Variants in KIAA1671 observed in about 807,000 individuals in gnomAD.
KIAA1671 encodes KIAA1671, also known as uncharacterized protein KIAA1671.
In KIAA1671, 52 loss-of-function variants were observed where a neutral mutation model predicts 131.2. The observed-to-expected ratio is 0.40, with a 90% CI of 0.32 to 0.50. KIAA1671 has a LOEUF of 0.50. Ranked by LOEUF, KIAA1671 falls within the 20% of genes least tolerant of loss-of-function variation. The pLI is 0.73. For synonymous variants in KIAA1671, 1,003 were observed against 961.6 expected (o/e 1.04, Z -0.80); for missense variants, 2,360 against 2,364.2 (o/e 1.00, Z 0.04).
intron 1 of KIAA1671, among the ~76,000 whole-genome samples, chr22:24,992,097 A>T (rs539986276): frequency 6.6e-6 from 1 of 152,308 alleles, no homozygotes. Context: ...CCCTTGGCAT[A>T]ACTGGCTGCG....
At chr22:25,121,731 A>G (rs142385429) in intron 6 of KIAA1671, among the ~76,000 whole-genome samples, 77 of 152,364 alleles carry the variant, frequency 5.1e-4, no homozygotes, top group African/African-American at 1.8e-3. Context: ...CCACACAGAT[A>G]TAATAGACAT....
rs1183499707 is a variant in KIAA1671, at chr22:25,049,457, C to T, written c.4530+93C>T. 12 of 1,417,794 alleles carry T rather than the reference C, an allele frequency of 8.5e-6. No individual in the cohort carries two copies. The African/African-American group carries it at 1.4e-4, about 17-fold the overall frequency. 87.8% of individuals were successfully genotyped at this position (1,417,794 alleles called of 1,614,324 possible). A position where few individuals can be genotyped will look rare whatever the true frequency, so the allele number is the denominator to read the frequency against. On this transcript the variant is annotated intron_variant, in intron 6 of 12. Coordinates refer to ENST00000358431, the MANE Select transcript of KIAA1671 (RefSeq NM_001145206.2). ...TGGTTGGTGGAGCATCTGGACAGCCCAGGGCCCTGACGGGGTTGAGGGCAG... is the reference window on the plus strand; with the variant it reads ...TGGTTGGTGGAGCATCTGGACAGCCTAGGGCCCTGACGGGGTTGAGGGCAG...
At position 25,122,741 on chromosome 22, in the gene KIAA1671, G is replaced by A. The variant is rs921173665; in HGVS notation, c.4531-48079G>A. Among the ~76,000 whole-genome samples, 3 of 152,144 alleles carry A rather than the reference G, an allele frequency of 2.0e-5. 1 individual carries two copies. The highest frequency in any genetic ancestry group is 4.4e-5 in the Non-Finnish European group (3 of 68,030). ...CATAATCCCAGCACTTTGGGAGGCC[G>A]AGGCGGGCCGATCACGAGGTCAGGA... On this transcript the variant is annotated intron_variant, in intron 6 of 12. Transcript: ENST00000358431.
chr22:25,154,764 C>A (rs1933172081), intron 6 of KIAA1671, among the ~76,000 whole-genome samples: 1 of 152,208 alleles, frequency 6.6e-6, no homozygotes, highest in Admixed American at 6.5e-5. Context: ...CTGCGAGGTC[C>A]CCAACTCCAG....
intron 11 of KIAA1671, among the ~76,000 whole-genome samples, chr22:25,186,602 TA>T (rs1038254986): frequency 6.6e-6 from 1 of 151,606 alleles, no homozygotes; most frequent in Admixed American, 6.6e-5. Flanking sequence ...CCTCTCTAAT[TA>T]AAAAAAAGAA....
chr22:25,078,084 G>T (rs1929210877), intron 6 of KIAA1671, among the ~76,000 whole-genome samples: 1 of 152,214 alleles, frequency 6.6e-6, no homozygotes, highest in African/African-American at 2.4e-5. Context: ...CTGGCCAGGG[G>T]CAGAGCTGGG....
chr22:25,002,914 G>A (rs1924551775), intron 1 of KIAA1671, among the ~76,000 whole-genome samples: 1 of 151,972 alleles, frequency 6.6e-6, no homozygotes, highest in African/African-American at 2.4e-5. Flanking sequence ...CAAGTAGTTG[G>A]GACTACAGGC....
chr22:24,989,705 C>G (rs1923738174), intron 1 of KIAA1671, among the ~76,000 whole-genome samples: 1 of 152,112 alleles, frequency 6.6e-6, no homozygotes, highest in African/African-American at 2.4e-5. Flanking sequence ...GGGATGAGTT[C>G]CCAAAGCTTA....
intron 6 of KIAA1671, among the ~76,000 whole-genome samples, chr22:25,154,068 C>T (rs1933141139): frequency 6.6e-6 from 1 of 152,212 alleles, no homozygotes; most frequent in Admixed American, 6.5e-5. Context: ...GGTGTGACTT[C>T]TCAGTCAGCC....
intron 5 of KIAA1671, among the ~76,000 whole-genome samples, chr22:25,046,650 TA>T (rs1409724700): frequency 1.3e-5 from 2 of 152,208 alleles, no homozygotes; most frequent in African/African-American, 4.8e-5. Flanking sequence ...TCCTTTTTTT[TA>T]AATTCCTTTT....
intron 1 of KIAA1671, among the ~76,000 whole-genome samples, chr22:24,985,344 CT>C (rs370160170): frequency 5.5e-4 from 80 of 145,380 alleles, no homozygotes; most frequent in South Asian, 8.8e-4. Context: ...TTGTTTCTTT[CT>C]TTTTTTTTTT....
intron 5 of KIAA1671, among the ~76,000 whole-genome samples, chr22:25,042,957 C>T (rs1927030666): frequency 6.6e-6 from 1 of 152,098 alleles, no homozygotes; most frequent in South Asian, 2.1e-4. Flanking sequence ...ATGTATTTTC[C>T]AATCCCTCTG....
chr22:25,169,286 G>A (rs1300983944), intron 6 of KIAA1671, among the ~76,000 whole-genome samples: 1 of 152,012 alleles, frequency 6.6e-6, no homozygotes, highest in African/African-American at 2.4e-5. Context: ...GGGTGTGGTA[G>A]TGTATACCTA....
rs572172062 is a variant in KIAA1671 at position 25,006,411 on chromosome 22, A to T, written c.-207-19222A>T. ...ACAGTACCAGGACCTACCTCCCAGG[A>T]TTTGATGCTGTGAAATGCTTAACAA... On this transcript the variant is annotated intron_variant, in intron 1 of 12. Transcript: ENST00000358431. Among the ~76,000 whole-genome samples, 6 of 152,272 alleles carry T rather than the reference A, an allele frequency of 3.9e-5. No individual in the cohort carries two copies. In the South Asian group the frequency reaches 8.3e-4, roughly 21 times the overall value.
intron 1 of KIAA1671, among the ~76,000 whole-genome samples, chr22:24,993,438 C>T (rs1052805732): frequency 1.3e-5 from 2 of 152,220 alleles, no homozygotes; most frequent in Non-Finnish European, 2.9e-5. Context: ...TCTTTTCTGA[C>T]TCTAGACCTC....
At chr22:25,029,972 C>T (rs995922172) in intron 3 of KIAA1671, among the ~76,000 whole-genome samples, 1 of 151,986 alleles carries the variant, frequency 6.6e-6, no homozygotes, top group Non-Finnish European at 1.5e-5. Flanking sequence ...TATGAGTGGC[C>T]CAAAAAATAA....
At chr22:25,099,998 AG>A (rs1418804197) in intron 6 of KIAA1671, among the ~76,000 whole-genome samples, 1 of 152,188 alleles carries the variant, frequency 6.6e-6, no homozygotes, top group Non-Finnish European at 1.5e-5. Context: ...AGGTGGTGCA[AG>A]GGCCCCAGGC....
At position 25,039,554 on chromosome 22, in the gene KIAA1671, T is replaced by A; in HGVS notation, c.2424T>A (p.Ala808=). ...GGGAAGCTCGAGGCATGCCTGAGGC[T>A]AGTGGACCGAAGTTTGGGGGCAATT... ...LIWEARGMPE[A]SGPKFGGNCP... Residue 808 remains alanine, a synonymous_variant, in exon 5 of 13, where the codon GCT becomes GCA. Transcript: ENST00000358431. The A allele has an allele frequency of 6.4e-7, 1 of 1,551,770 alleles. No individual in the cohort carries two copies. Among genetic ancestry groups the A allele is most frequent in the Non-Finnish European group, 8.7e-7 (1 of 1,147,008 alleles).
chr22:25,189,126 CTTTT>C (rs200226589), intron 11 of KIAA1671, among the ~76,000 whole-genome samples: 1 of 114,878 alleles, frequency 8.7e-6, no homozygotes, highest in African/African-American at 3.4e-5. Flanking sequence ...CAGTCTTTTT[CTTTT>C]TTTTTTTTTT....
Sources: allele counts gnomAD v4.1 joint callset (sites outside exome capture counted in the v4.1 genomes callset), GRCh38; gene constraint gnomAD v4.1.1; transcripts MANE v1.5; gene names NCBI Gene and HGNC (gene_info 2026-07-23, HGNC 2026-07-21).